BMAL1: variants seen among roughly 807,000 people sequenced by gnomAD.
BMAL1 encodes basic helix-loop-helix ARNT-like protein 1.
the BMAL1 span, among the ~76,000 whole-genome samples, chr11:13,381,660 A>G: frequency 6.6e-6 from 1 of 152,212 alleles, no homozygotes; most frequent in Non-Finnish European, 1.5e-5. Flanking sequence ...TGCCACCAGC[A>G]GTGCTTTGGA....
chr11:13,324,403 T>C, the BMAL1 span, among the ~76,000 whole-genome samples: 930 of 152,224 alleles, frequency 6.1e-3, 8 homozygotes, highest in African/African-American at 0.021. Flanking sequence ...CCCCCTGTTG[T>C]CTCATGGGCT....
the BMAL1 span, among the ~76,000 whole-genome samples, chr11:13,336,403 G>A: frequency 1.1e-4 from 17 of 152,192 alleles, no homozygotes; most frequent in African/African-American, 3.1e-4. Context: ...TGTGGCCTCT[G>A]CCTGCACCTC....
the BMAL1 span, among the ~76,000 whole-genome samples, chr11:13,285,017 T>C: frequency 6.6e-6 from 1 of 151,930 alleles, no homozygotes; most frequent in Non-Finnish European, 1.5e-5. Context: ...GCTAGCGGGG[T>C]CTTTGCTTAA....
chr11:13,298,246 G>C, the BMAL1 span, among the ~76,000 whole-genome samples: 2,159 of 152,260 alleles, frequency 0.014, 32 homozygotes, highest in Non-Finnish European at 0.02. Context: ...AGCCACAGTG[G>C]AATCCGTGTT....
chr11:13,351,070 T>C, the BMAL1 span, among the ~76,000 whole-genome samples: 1 of 152,158 alleles, frequency 6.6e-6, no homozygotes, highest in African/African-American at 2.4e-5. Flanking sequence ...CTATGGTAGA[T>C]TATTGTAGGT....
chr11:13,286,431 C>T, the BMAL1 span, among the ~76,000 whole-genome samples: 2 of 152,234 alleles, frequency 1.3e-5, no homozygotes, highest in Non-Finnish European at 2.9e-5. Flanking sequence ...GGCCCAGCCA[C>T]TGACTGGCTG....
chr11:13,296,658 G>A, the BMAL1 span, among the ~76,000 whole-genome samples: 2 of 152,198 alleles, frequency 1.3e-5, no homozygotes, highest in Admixed American at 6.5e-5. Context: ...TAAACCCTGG[G>A]AGTGGTAGTG....
At chr11:13,325,797 G>C in the BMAL1 span, among the ~76,000 whole-genome samples, 1 of 151,984 alleles carries the variant, frequency 6.6e-6, no homozygotes, top group Non-Finnish European at 1.5e-5. Context: ...TTGATGAGGT[G>C]TGTCCCCTCT....
the BMAL1 span, among the ~76,000 whole-genome samples, chr11:13,314,229 C>CCACACACACTCACA: frequency 7.2e-6 from 1 of 138,648 alleles, no homozygotes; most frequent in Non-Finnish European, 1.6e-5. Flanking sequence ...AGGGTGGAGA[C>CCACACACACTCACA]CACACACACA....
At chr11:13,280,930 C>G in the BMAL1 span, among the ~76,000 whole-genome samples, 2 of 152,334 alleles carry the variant, frequency 1.3e-5, no homozygotes, top group East Asian at 1.9e-4. Context: ...TGCCTGGGCT[C>G]TGGTGGCAGA....
At chr11:13,356,846 T>G in the BMAL1 span, 1 of 1,611,902 alleles carries the variant, frequency 6.2e-7, no homozygotes, top group East Asian at 2.2e-5. Context: ...TTACACATTC[T>G]GTTACTTGGG....
At chr11:13,345,104 G>A in the BMAL1 span, among the ~76,000 whole-genome samples, 1 of 152,198 alleles carries the variant, frequency 6.6e-6, no homozygotes, top group Non-Finnish European at 1.5e-5. Context: ...CCACATCATG[G>A]AAGGCTGCTA....
the BMAL1 span, chr11:13,378,529 G>C: frequency 6.5e-7 from 1 of 1,540,724 alleles, no homozygotes. Context: ...ATTTTGCAAT[G>C]TCAGGAGACA....
the BMAL1 span, among the ~76,000 whole-genome samples, chr11:13,284,206 ATATGTGTATATATATATATATG>A: frequency 4.1e-3 from 180 of 43,418 alleles, 17 homozygotes; most frequent in African/African-American, 0.011. Flanking sequence ...GTGTATATAT[ATATGTGTATATATATATATATG>A]TGTGTGTATA....
the BMAL1 span, chr11:13,366,855 C>G: frequency 8.1e-7 from 1 of 1,237,462 alleles, no homozygotes; most frequent in East Asian, 2.4e-5. Context: ...GAGCAGAGGG[C>G]GGGTGTGTGT....
chr11:13,349,848 C>T, the BMAL1 span: 1 of 151,128 alleles, frequency 6.6e-6, no homozygotes, highest in Non-Finnish European at 1.5e-5. Flanking sequence ...AGTCATGAAC[C>T]ATCTACACCA....
chr11:13,371,999 C>G, the BMAL1 span, among the ~76,000 whole-genome samples: 11 of 152,160 alleles, frequency 7.2e-5, no homozygotes, highest in Admixed American at 7.2e-4. Context: ...CAGTTTGTTT[C>G]TCTTTCCGTC....
At chr11:13,280,737 C>T in the BMAL1 span, among the ~76,000 whole-genome samples, 1 of 152,200 alleles carries the variant, frequency 6.6e-6, no homozygotes, top group African/African-American at 2.4e-5. Context: ...CAAATACCCA[C>T]CTTGTCTTTT....
chr11:13,353,819 T>C, the BMAL1 span, among the ~76,000 whole-genome samples: 7 of 152,190 alleles, frequency 4.6e-5, no homozygotes, highest in Admixed American at 3.9e-4. Context: ...GAGTGAGACT[T>C]TGTCTCAAAA....
Sources: allele counts gnomAD v4.1 joint callset (sites outside exome capture counted in the v4.1 genomes callset), GRCh38; gene constraint gnomAD v4.1.1; transcripts MANE v1.5; gene names NCBI Gene and HGNC (gene_info 2026-07-23, HGNC 2026-07-21).